The following ITPK1 variants were observed in gnomAD, a reference collection of about 807,000 sequenced individuals.
The protein encoded by ITPK1 is inositol 1,3,4-trisphosphate 5/6-kinase.
In ITPK1, 21 loss-of-function variants were observed where a neutral mutation model predicts 45.3. The observed-to-expected ratio is 0.46, with a 90% CI of 0.33 to 0.67. The LOEUF is 0.67. Ranked by LOEUF, ITPK1 falls within the 30% of genes least tolerant of loss-of-function variation. ITPK1 has a pLI of 0.02. For synonymous variants in ITPK1, 258 were observed against 253.6 expected (o/e 1.02, Z -0.16); for missense variants, 474 against 573.5 (o/e 0.83, Z 1.77).
intron 5 of ITPK1, 45 bp from the exon 6 acceptor site, chr14:92,962,894 G>A (rs745645901): frequency 1.9e-5 from 27 of 1,386,588 alleles, no homozygotes; most frequent in African/African-American, 1.4e-4. Context: ...CTGGGCAGCC[G>A]CCCCAGGTGC....
At chr14:93,028,381 T>G (rs1256517767) in intron 3 of ITPK1, among the ~76,000 whole-genome samples, 7 of 152,324 alleles carry the variant, frequency 4.6e-5, no homozygotes, top group African/African-American at 1.7e-4. Flanking sequence ...TCTAACACCT[T>G]CGCTCAGCCT....
chr14:93,057,955 C>T (rs1890279523), intron 3 of ITPK1, among the ~76,000 whole-genome samples: 1 of 152,202 alleles, frequency 6.6e-6, no homozygotes, highest in Non-Finnish European at 1.5e-5. Context: ...ATCAGCTCGG[C>T]GAGAGCCCTC....
chr14:93,036,065 G>A lies in ITPK1; in HGVS notation c.121-19264C>T, dbSNP rs1889303220. Among the ~76,000 whole-genome samples the A allele has an allele frequency of 6.6e-6, 1 of 152,204 alleles. No individual in the cohort carries two copies. The highest frequency in any genetic ancestry group is 1.5e-5 in the Non-Finnish European group (1 of 68,024). On this transcript the variant is annotated intron_variant, in intron 3 of 10. Transcript: ENST00000267615. The surrounding 1 kb of genome is among the most constrained non-coding windows in gnomAD (Gnocchi z 4.1). ...AACAGGTGGGAGGAGCACTCGCCAA[G>A]CCCAAGGCCACCCTTTCCAAGAAAG...
chr14:92,972,190 C>T (rs1020855976), intron 5 of ITPK1, among the ~76,000 whole-genome samples: 7 of 152,318 alleles, frequency 4.6e-5, no homozygotes, highest in Non-Finnish European at 8.8e-5. Flanking sequence ...TCCAGGCCTC[C>T]GCAGCCTGAC....
rs950901594 is a variant in ITPK1, at chr14:92,940,071, G to A, written c.*1490C>T. On this transcript the variant is annotated 3_prime_UTR_variant, in exon 11 of 11. Coordinates refer to ENST00000267615, the MANE Select transcript of ITPK1 (RefSeq NM_014216.6). ...GCAGTTCTGATGGCCTCTGCCCCTC[G>A]CCCAAGCCCTGTGCCTCCCTCCTCA... 4 of 985,618 alleles carry A rather than the reference G, an allele frequency of 4.1e-6. No individual in the cohort carries two copies. Among genetic ancestry groups the A allele is most frequent in the African/African-American group, 1.7e-5 (1 of 57,218 alleles). 61.1% of individuals were successfully genotyped at this position (985,618 alleles called of 1,614,324 possible). A position where few individuals can be genotyped will look rare whatever the true frequency, so the allele number is the denominator to read the frequency against.
At chr14:93,108,626 G>A (rs1227059011) in intron 2 of ITPK1, among the ~76,000 whole-genome samples, 2 of 152,232 alleles carry the variant, frequency 1.3e-5, no homozygotes, top group African/African-American at 2.4e-5. Context: ...GATTTGTCCC[G>A]GCCCTGAGCG....
At chr14:92,976,216 T>A (rs918488294) in intron 5 of ITPK1, among the ~76,000 whole-genome samples, 4 of 152,252 alleles carry the variant, frequency 2.6e-5, no homozygotes, top group African/African-American at 9.6e-5. Flanking sequence ...AGTTAGCAGA[T>A]AGCAGATTGT....
chr14:93,109,066 GC>G (rs938413968), intron 2 of ITPK1, among the ~76,000 whole-genome samples: 13 of 152,100 alleles, frequency 8.5e-5, no homozygotes, highest in African/African-American at 3.1e-4. Flanking sequence ...CTCTGACCCA[GC>G]CCTCCTCATC....
intron 10 of ITPK1, among the ~76,000 whole-genome samples, chr14:92,942,476 G>A (rs1378582483): frequency 6.6e-6 from 1 of 152,206 alleles, no homozygotes; most frequent in African/African-American, 2.4e-5. Flanking sequence ...TGTGAGTGGT[G>A]TCTGCTTCAC....
chr14:92,941,550 C>T lies in ITPK1; in HGVS notation c.*11G>A, dbSNP rs563036027. The T allele has an allele frequency of 2.8e-3, 4,254 of 1,522,492 alleles. 7 individuals carry two copies. Among genetic ancestry groups the T allele is most frequent in the Non-Finnish European group, 3.1e-3 (3,532 of 1,140,326 alleles). The allele number at this position is 1,522,492 out of a possible 1,614,324, so 94.3% of individuals were successfully genotyped here. A position where few individuals can be genotyped will look rare whatever the true frequency, so the allele number is the denominator to read the frequency against. On this transcript the variant is annotated 3_prime_UTR_variant, in exon 11 of 11. Coordinates refer to ENST00000267615, the MANE Select transcript of ITPK1 (RefSeq NM_014216.6). ...CGCCCTGCGCTGCCCCTCTGGGTCC[C>T]GGCTCCGTGGCTACTGGGAGGAGGC... is the stretch of plus-strand genomic sequence containing the variant.
At chr14:93,061,781 A>C (rs1346138189) in intron 3 of ITPK1, among the ~76,000 whole-genome samples, 1 of 152,254 alleles carries the variant, frequency 6.6e-6, no homozygotes, top group Admixed American at 6.5e-5. Context: ...GATGTTTATC[A>C]CAATACTATT....
At chr14:92,975,711 G>T (rs755891143) in intron 5 of ITPK1, among the ~76,000 whole-genome samples, 4 of 152,196 alleles carry the variant, frequency 2.6e-5, no homozygotes, top group Non-Finnish European at 4.4e-5. Context: ...CACTCACTTG[G>T]CCTCCCTGTT....
Position 92,940,741 on chromosome 14 carries a change from G to A in ITPK1, c.*820C>T, listed in dbSNP as rs540677682. On this transcript the variant is annotated 3_prime_UTR_variant, in exon 11 of 11. Transcript: ENST00000267615. ...CAAGGGGGTGGAGGCCCAAAGACCT[G>A]GAATGATTTGCCCAAATCACAGCAC... The A allele has an allele frequency of 1.4e-3, 1,785 of 1,289,132 alleles. 2 individuals are homozygous for A. The highest frequency in any genetic ancestry group is 1.9e-3 in the Middle Eastern group (9 of 4,690). 79.9% of individuals were successfully genotyped at this position (1,289,132 alleles called of 1,614,324 possible).
intron 2 of ITPK1, among the ~76,000 whole-genome samples, chr14:93,097,954 AG>A (rs1240618794): frequency 6.6e-6 from 1 of 152,136 alleles, no homozygotes; most frequent in Non-Finnish European, 1.5e-5. Context: ...GGTTGCAGTG[AG>A]CCAAGATTGC....
intron 2 of ITPK1, among the ~76,000 whole-genome samples, chr14:93,111,144 T>C (rs978149549): frequency 2.0e-5 from 3 of 152,076 alleles, no homozygotes; most frequent in Admixed American, 1.3e-4. Flanking sequence ...TAAAGACAGA[T>C]AAGGTTCACC....
chr14:93,093,704 G>A (rs1891955312), intron 2 of ITPK1, among the ~76,000 whole-genome samples: 2 of 152,196 alleles, frequency 1.3e-5, no homozygotes, highest in African/African-American at 2.4e-5. Flanking sequence ...GAGTAGTCGA[G>A]GAATAGCCGA....
chr14:93,115,027 G>A (rs771520682), intron 2 of ITPK1, 42 bp downstream of exon 2: 4 of 1,300,596 alleles, frequency 3.1e-6, no homozygotes, highest in Middle Eastern at 1.8e-4. Context: ...CACCGGGCTC[G>A]GGCCGGGGGT....
At chr14:92,992,505 C>T (rs1050120692) in intron 5 of ITPK1, among the ~76,000 whole-genome samples, 7 of 152,252 alleles carry the variant, frequency 4.6e-5, no homozygotes, top group Admixed American at 2.0e-4. Flanking sequence ...GGGGCACCAG[C>T]ATGACACCCC....
At chr14:92,946,788 G>A (rs1214866432) in intron 9 of ITPK1, among the ~76,000 whole-genome samples, 3 of 152,260 alleles carry the variant, frequency 2.0e-5, no homozygotes, top group Non-Finnish European at 2.9e-5. Flanking sequence ...GAGGGTTGGG[G>A]CTGGTCTAAA....
Sources: allele counts gnomAD v4.1 joint callset (sites outside exome capture counted in the v4.1 genomes callset), GRCh38; gene constraint gnomAD v4.1.1; non-coding constraint Gnocchi (gnomAD v3.1); transcripts MANE v1.5; gene names NCBI Gene and HGNC (gene_info 2026-07-23, HGNC 2026-07-21).